PXDNL: variants seen among roughly 807,000 people sequenced by gnomAD.
The protein encoded by PXDNL is peroxidasin like.
A neutral mutation model predicts 150.8 loss-of-function variants in PXDNL; 145 were observed. The ratio of observed to expected loss-of-function variants is 0.96; its 90% CI spans 0.84 to 1.10. PXDNL has a LOEUF of 1.10. Ranked by LOEUF, PXDNL falls within the 50% of genes least tolerant of loss-of-function variation. The pLI is 0.00. For synonymous variants in PXDNL, 757 were observed against 725.7 expected (o/e 1.04, Z -0.69); for missense variants, 2,087 against 1,873.9 (o/e 1.11, Z -2.10).
chr8:51,587,604 A>C (rs1813353326), intron 3 of PXDNL, among the ~76,000 whole-genome samples: 1 of 152,208 alleles, frequency 6.6e-6, no homozygotes, highest in African/African-American at 2.4e-5. Context: ...TCCTGAATAT[A>C]CAAGCACTAT....
chr8:51,657,873 G>A (rs1563498128), intron 1 of PXDNL, among the ~76,000 whole-genome samples: 2 of 152,150 alleles, frequency 1.3e-5, no homozygotes, highest in South Asian at 4.1e-4. Context: ...TTCTCCACAA[G>A]TAAGCAGACA....
chr8:51,732,862 C>T (rs530712434), intron 1 of PXDNL, among the ~76,000 whole-genome samples: 1 of 152,270 alleles, frequency 6.6e-6, no homozygotes, highest in African/African-American at 2.4e-5. Context: ...TAATTACCTC[C>T]CACTAGGTCC....
At chr8:51,625,302 T>C (rs1026960132) in intron 2 of PXDNL, among the ~76,000 whole-genome samples, 1 of 152,198 alleles carries the variant, frequency 6.6e-6, no homozygotes, top group Non-Finnish European at 1.5e-5. Flanking sequence ...AAAAAAGCGA[T>C]GTATGATTTT....
intron 21 of PXDNL, among the ~76,000 whole-genome samples, chr8:51,322,941 A>C (rs1464908946): frequency 1.3e-5 from 2 of 152,158 alleles, no homozygotes; most frequent in Non-Finnish European, 2.9e-5. Context: ...GCAGGACTTG[A>C]CCCCTGACTT....
At chr8:51,762,203 A>T (rs2037172921) in intron 1 of PXDNL, among the ~76,000 whole-genome samples, 1 of 152,208 alleles carries the variant, frequency 6.6e-6, no homozygotes, top group African/African-American at 2.4e-5. Context: ...CACCAGATAC[A>T]TATTGTGACT....
chr8:51,571,703 A>G, intron 3 of PXDNL, among the ~76,000 whole-genome samples: 1 of 151,918 alleles, frequency 6.6e-6, no homozygotes, highest in East Asian at 1.9e-4. Context: ...GCTCAATATC[A>G]TAGGACAGAA....
chr8:51,723,990 G>A (rs1406467740), intron 1 of PXDNL, among the ~76,000 whole-genome samples: 3 of 149,270 alleles, frequency 2.0e-5, no homozygotes, highest in Non-Finnish European at 3.0e-5. Flanking sequence ...GAGTTTGAGG[G>A]TTGAATTGAA....
chr8:51,552,525 C>T (rs1812513951), intron 4 of PXDNL, among the ~76,000 whole-genome samples: 1 of 152,136 alleles, frequency 6.6e-6, no homozygotes, highest in Non-Finnish European at 1.5e-5. Context: ...AATAATGGCA[C>T]TTGCAGCAAC....
At chr8:51,742,549 T>C (rs1326270654) in intron 1 of PXDNL, among the ~76,000 whole-genome samples, 2 of 151,980 alleles carry the variant, frequency 1.3e-5, no homozygotes, top group Non-Finnish European at 2.9e-5. Context: ...TACAACTTCA[T>C]GGGAATCCAC....
At chr8:51,373,232 G>T (rs1410631699) in intron 18 of PXDNL, among the ~76,000 whole-genome samples, 1 of 152,184 alleles carries the variant, frequency 6.6e-6, no homozygotes, top group Non-Finnish European at 1.5e-5. Context: ...ACAGAGGGAA[G>T]ACCACGTGAA....
At chr8:51,781,925 C>CG in intron 1 of PXDNL, among the ~76,000 whole-genome samples, 1 of 152,284 alleles carries the variant, frequency 6.6e-6, no homozygotes, top group African/African-American at 2.4e-5. Context: ...CCCAGAATAC[C>CG]GCCCCATCCT....
At chr8:51,372,212 C>G (rs1358149023) in intron 18 of PXDNL, 131 bp from the exon 19 acceptor site, 1 of 632,820 alleles carries the variant, frequency 1.6e-6, no homozygotes, top group Non-Finnish European at 2.8e-6. Flanking sequence ...TATGCTTGTT[C>G]TCCAACTGAG....
rs1023302191 is a variant in PXDNL, at chr8:51,384,467, C to T, written c.3558-9736G>A. Among the ~76,000 whole-genome samples the T allele has an allele frequency of 3.9e-5, 6 of 151,962 alleles. No individual in the cohort carries two copies. The South Asian group carries it at 1.0e-3, about 26-fold the overall frequency. On this transcript the variant is annotated intron_variant, in intron 17 of 22. Coordinates refer to ENST00000356297, the MANE Select transcript of PXDNL (RefSeq NM_144651.5). ...CTTGAAAGAAAATTTTCCCAGAATA[C>T]TTTTTATTAAAAGCTATCTCGGGAC...
rs748742121 is a variant in PXDNL at position 51,453,670 on chromosome 8, G to T, written c.1098C>A (p.Asp366Glu). The change falls in exon 10 of 23, where the codon GAC (aspartate) becomes GAA (glutamate). Residue 366 changes from aspartate (D) to glutamate (E), a missense_variant. Physicochemically the swap from Asp to Glu is conservative, Grantham distance 45 (BLOSUM62 2). Coordinates refer to ENST00000356297, the MANE Select transcript of PXDNL (RefSeq NM_144651.5). Reference protein sequence around the residue: ...HPHPLITWTRDNGLELDGSRH... With the variant: ...HPHPLITWTRENGLELDGSRH... ...TGGATCCATCCAGCTCCAATCCATT[G>T]TCCCTGGTCCAAGTGATAAGAGGGT... 2 of 1,613,884 alleles carry T rather than the reference G, an allele frequency of 1.2e-6. No individual in the cohort carries two copies. The highest frequency in any genetic ancestry group is 1.7e-6 in the Non-Finnish European group (2 of 1,179,892).
At chr8:51,373,481 T>C (rs78534865) in intron 18 of PXDNL, among the ~76,000 whole-genome samples, 4,791 of 152,294 alleles carry the variant, frequency 0.031, 202 homozygotes, top group African/African-American at 0.094. Flanking sequence ...TGACTACATA[T>C]ATTTTTAAAC....
At chr8:51,335,371 A>T (rs1805803589) in intron 21 of PXDNL, among the ~76,000 whole-genome samples, 1 of 152,102 alleles carries the variant, frequency 6.6e-6, no homozygotes, top group Admixed American at 6.5e-5. Context: ...GGAGACGCCG[A>T]TACTATCCTA....
intron 19 of PXDNL, among the ~76,000 whole-genome samples, chr8:51,361,084 T>A (rs1381474543): frequency 6.6e-6 from 1 of 152,236 alleles, no homozygotes; most frequent in Non-Finnish European, 1.5e-5. Context: ...TGGCCACTGC[T>A]TTCTCACAGC....
intron 19 of PXDNL, among the ~76,000 whole-genome samples, chr8:51,366,963 T>TGGTG (rs899559428): frequency 5.9e-5 from 9 of 151,746 alleles, no homozygotes; most frequent in African/African-American, 2.2e-4. Flanking sequence ...TAGCTGGGTG[T>TGGTG]GGTGGTGGGC....
chr8:51,622,430 C>A (rs16916619), intron 2 of PXDNL, among the ~76,000 whole-genome samples: 12,158 of 152,180 alleles, frequency 0.08, 659 homozygotes, highest in African/African-American at 0.14. Context: ...AAAATTAGTA[C>A]AGAGGAATAC....
Sources: allele counts gnomAD v4.1 joint callset (sites outside exome capture counted in the v4.1 genomes callset), GRCh38; gene constraint gnomAD v4.1.1; transcripts MANE v1.5; gene names NCBI Gene and HGNC (gene_info 2026-07-23, HGNC 2026-07-21).